Variants in NOTCH3 observed in about 807,000 individuals in gnomAD.
NOTCH3 encodes the protein notch receptor 3.
A neutral mutation model predicts 213.3 loss-of-function variants in NOTCH3; 86 were observed. The observed-to-expected ratio is 0.40, with a 90% CI of 0.34 to 0.48. The LOEUF (loss-of-function observed/expected upper bound fraction) is 0.48, where lower values mean the gene tolerates loss of function less well. NOTCH3 is among the 20% of genes least tolerant of loss of function. The probability of loss-of-function intolerance (pLI) is 0.57; values close to 1 mark genes in which losing one functional copy is unlikely to be tolerated. For missense variants in NOTCH3, 2,783 were observed against 3,272.6 expected (o/e 0.85, Z 3.65); for synonymous variants, 1,354 against 1,355.9 (o/e 1.00, Z 0.03).
intron 12 of NOTCH3, 73 bp downstream of exon 12, chr19:15,186,805 A>G: frequency 8.0e-7 from 1 of 1,243,990 alleles, no homozygotes; most frequent in Non-Finnish European, 1.2e-6. Context: ...AGATACGGGC[A>G]AAACAGGCCC....
chr19:15,175,598 C>T (rs1442891141), intron 24 of NOTCH3, among the ~76,000 whole-genome samples: 92 of 130,790 alleles, frequency 7.0e-4, no homozygotes, highest in Non-Finnish European at 1.2e-3. Context: ...TATACACACA[C>T]ACACACACAC....
chr19:15,190,975 C>T (rs1382175273), intron 6 of NOTCH3, among the ~76,000 whole-genome samples: 1 of 152,146 alleles, frequency 6.6e-6, no homozygotes, highest in East Asian at 1.9e-4. Context: ...CCCATCTTGG[C>T]CTCCCAAAGT....
Position 15,187,954 on chromosome 19 carries a change from G to T in NOTCH3, c.1533C>A (p.Cys511Ter). The T allele has an allele frequency of 6.4e-7, 1 of 1,550,676 alleles. No homozygotes were observed. The highest frequency in any genetic ancestry group is 8.7e-7 in the Non-Finnish European group (1 of 1,146,988). The change falls in exon 10 of 33, where the codon TGC becomes TGA. Residue 511 changes from cysteine (C) to a stop codon, truncating the protein, a stop_gained. Coordinates refer to ENST00000263388, the MANE Select transcript of NOTCH3 (RefSeq NM_000435.3). LOFTEE classifies it high-confidence loss of function. ...GSTCQLDVDE[C>*]ASTPCRNGAK... Reference sequence around the variant, plus strand: ...CGCCATTCCTGCAGGGCGTGCTGGCGCATTCGTCCACGTCCAGCTGACACG... The same window carrying T: ...CGCCATTCCTGCAGGGCGTGCTGGCTCATTCGTCCACGTCCAGCTGACACG...
chr19:15,187,500 A>G (rs1271646431), intron 10 of NOTCH3, among the ~76,000 whole-genome samples, 162 bp from the exon 11 acceptor site: 1 of 63,876 alleles, frequency 1.6e-5, no homozygotes, highest in Admixed American at 2.2e-4. Flanking sequence ...ACTTACTTCC[A>G]CTCCACCCCA....
chr19:15,189,059 C>T lies in NOTCH3; in HGVS notation c.1308G>A (p.Leu436=), dbSNP rs767459278. ...PRCETDVNEC[L]SGPCRNQATC... ...TGGCCTGGTTTCGGCAGGGCCCCGA[C>T]AGACACTCGTTGACATCGGTCTCAC... is the stretch of plus-strand genomic sequence containing the variant. Residue 436 remains leucine, a synonymous_variant, in exon 8 of 33, where the codon CTG becomes CTA. Coordinates refer to ENST00000263388, the MANE Select transcript of NOTCH3 (RefSeq NM_000435.3). The T allele has an allele frequency of 1.2e-6, 2 of 1,613,070 alleles. No homozygotes were observed. Among genetic ancestry groups the T allele is most frequent in the Non-Finnish European group, 1.7e-6 (2 of 1,180,044 alleles).
chr19:15,181,618 C>A lies in NOTCH3; in HGVS notation c.2750G>T (p.Gly917Val), dbSNP rs748744434. 6.4e-7 allele frequency: 1 copy of A among 1,550,890 alleles called. No individual in the cohort carries two copies. Among genetic ancestry groups the A allele is most frequent in the Non-Finnish European group, 8.7e-7 (1 of 1,146,914 alleles). Reference sequence around the variant, plus strand: ...CAGGTCCTGTTCGCAGTGGAAGCCTCCGTAGCCTGGCGGGCAGGTGCAGGT... The same window carrying A: ...CAGGTCCTGTTCGCAGTGGAAGCCTACGTAGCCTGGCGGGCAGGTGCAGGT... ...SFTCTCPPGY[G>V]GFHCEQDLPD... Residue 917 changes from glycine (G) to valine (V), a missense_variant, in exon 17 of 33, where the codon GGA becomes GTA. Coordinates refer to ENST00000263388, the MANE Select transcript of NOTCH3 (RefSeq NM_000435.3).
In NOTCH3 at chr19:15,191,497, G is replaced by A. The variant is rs538938551; in HGVS notation, c.963C>T (p.Ala321=). ...CSQNIDDCAT[A]VCFHGATCHD... Reference sequence around the variant, plus strand: ...GGCAGGTGGCCCCATGGAAGCACACGGCTGTGGCACAGTCATCGATATTCT... The same window carrying A: ...GGCAGGTGGCCCCATGGAAGCACACAGCTGTGGCACAGTCATCGATATTCT... The change falls in exon 6 of 33, where the codon GCC becomes GCT. Residue 321 remains alanine, a synonymous_variant. Transcript: ENST00000263388. The A allele has an allele frequency of 2.9e-5, 47 of 1,613,234 alleles. No homozygotes were observed. The highest frequency in any genetic ancestry group is 1.6e-4 in the Middle Eastern group (1 of 6,062).
chr19:15,167,507 T>G, intron 28 of NOTCH3, 96 bp from the exon 29 acceptor site: 1 of 1,115,278 alleles, frequency 9.0e-7, no homozygotes, highest in Middle Eastern at 2.8e-4. Flanking sequence ...CAGGTTTCTC[T>G]TTAGGAGATA....
At chr19:15,174,464 A>C in intron 24 of NOTCH3, 64 bp from the exon 25 acceptor site, 1 of 1,161,420 alleles carries the variant, frequency 8.6e-7, no homozygotes, top group Non-Finnish European at 1.2e-6. Flanking sequence ...ATCCCCTTCC[A>C]TGCATTCACA....
At chr19:15,189,578 G>A in intron 6 of NOTCH3, 150 bp from the exon 7 acceptor site, 1 of 931,872 alleles carries the variant, frequency 1.1e-6, no homozygotes, top group East Asian at 2.5e-5. Flanking sequence ...GAGTACAATA[G>A]CGCGATCTTG....
intron 28 of NOTCH3, among the ~76,000 whole-genome samples, chr19:15,167,953 T>C (rs2046700360): frequency 6.6e-6 from 1 of 151,606 alleles, no homozygotes; most frequent in African/African-American, 2.4e-5. Flanking sequence ...TATATATTTT[T>C]TAGAGACTGA....
intron 25 of NOTCH3, 30 bp from the exon 26 acceptor site, chr19:15,170,855 G>A (rs764617650): frequency 1.2e-6 from 2 of 1,611,132 alleles, no homozygotes; most frequent in South Asian, 1.1e-5. Context: ...GGACCAGAGG[G>A]CTCAAAAATT....
At chr19:15,167,152 G>T in intron 29 of NOTCH3, 97 bp downstream of exon 29, 1 of 1,334,346 alleles carries the variant, frequency 7.5e-7, no homozygotes, top group Non-Finnish European at 1.1e-6. Context: ...GAAGCTTAGA[G>T]ACTCCCCCAG....
intron 1 of NOTCH3, among the ~76,000 whole-genome samples, chr19:15,198,405 TG>T (rs2046986148): frequency 2.0e-5 from 3 of 151,848 alleles, no homozygotes; most frequent in African/African-American, 7.3e-5. Flanking sequence ...CACAAAGACG[TG>T]AGAATGAACT....
In NOTCH3 at chr19:15,165,538, C is replaced by T. The variant is rs2046678937; in HGVS notation, c.5668-23G>A. On this transcript the variant is annotated intron_variant, in intron 30 of 32. Transcript: ENST00000263388. The surrounding 1 kb of genome is among the most constrained non-coding windows in gnomAD (Gnocchi z 4.7). Reference sequence around the variant, plus strand: ...AATCTAGGACAGAGAGTGGATGCAGCAGGAGGGGTCATGGCAGGAACAGAG... The same window carrying T: ...AATCTAGGACAGAGAGTGGATGCAGTAGGAGGGGTCATGGCAGGAACAGAG... 1 of 1,608,668 alleles carries T rather than the reference C, an allele frequency of 6.2e-7. No homozygotes were observed. The highest frequency in any genetic ancestry group is 1.1e-5 in the South Asian group (1 of 91,024).
intron 10 of NOTCH3, 74 bp downstream of exon 10, chr19:15,187,807 A>C: frequency 8.1e-7 from 1 of 1,238,994 alleles, no homozygotes; most frequent in Non-Finnish European, 1.2e-6. Context: ...AGCTCTCCCC[A>C]AGTCTGTTAT....
chr19:15,192,274 G>T lies in NOTCH3; in HGVS notation c.365C>A (p.Pro122His). 1.9e-6 allele frequency: 3 copies of T among 1,601,502 alleles called. No homozygotes were observed. The South Asian group carries it at 3.3e-5, about 18-fold the overall frequency. ...GTGGGCACAAGGGCTGCTGAGGCAG[G>T]GATCTGGCAGGGAGCAGTCAGGGCC... ...FRGPDCSLPD[P>H]CLSSPCAHGA... The change falls in exon 4 of 33, where the codon CCC becomes CAC. Residue 122 changes from proline (P) to histidine (H), a missense_variant. By Grantham distance (77) the Pro-to-His change is moderately conservative (BLOSUM62 -2). Coordinates refer to ENST00000263388, the MANE Select transcript of NOTCH3 (RefSeq NM_000435.3).
rs2145415398 is a variant in NOTCH3, at chr19:15,177,939, G to A, written c.3989C>T (p.Ser1330Leu). Residue 1330 changes from serine (S) to leucine (L), a missense_variant, in exon 24 of 33, where the codon TCG becomes TTG. This residue lies in a region of NOTCH3 where 133 missense variants were observed against 201.9 expected (regional missense o/e 0.66). Transcript: ENST00000263388. ...GCTGGCGTTGCTGGCCCCCGGCGGCGACCCCGGGAAGCTGCGGCAGGAGGG... is the reference window on the plus strand; with the variant it reads ...GCTGGCGTTGCTGGCCCCCGGCGGCAACCCCGGGAAGCTGCGGCAGGAGGG... ...SGPSCRSFPGSPPGASNASCA... is the reference protein window; with the variant it reads ...SGPSCRSFPGLPPGASNASCA... The A allele has an allele frequency of 2.3e-6, 3 of 1,297,540 alleles. No homozygotes were observed. The highest frequency in any genetic ancestry group is 2.9e-6 in the Non-Finnish European group (3 of 1,026,168). The allele number at this position is 1,297,540 out of a possible 1,614,324, so 80.4% of individuals were successfully genotyped here.
intron 16 of NOTCH3, 142 bp downstream of exon 16, chr19:15,184,153 C>T (rs1393650975): frequency 1.2e-5 from 10 of 836,712 alleles, no homozygotes; most frequent in East Asian, 2.8e-5. Context: ...TCAACCTCCT[C>T]GGGCCTCAGT....
Sources: gnomAD v4.1 joint callset for allele counts (sites outside exome capture counted in the v4.1 genomes callset) on GRCh38, gnomAD v4.1.1 for gene constraint, gnomAD v4.1.1 regional missense constraint, Gnocchi (gnomAD v3.1) non-coding constraint, MANE v1.5 for transcripts, NCBI Gene and HGNC (gene_info 2026-07-23, HGNC 2026-07-21) for gene names.